N4BP2: variants seen among roughly 807,000 people sequenced by gnomAD.
N4BP2 encodes the protein NEDD4-binding protein 2.
In N4BP2, 91 loss-of-function variants were observed where a neutral mutation model predicts 152.8. The ratio of observed to expected loss-of-function variants is 0.60; its 90% confidence interval spans 0.50 to 0.71. The LOEUF is 0.71. Among genes scored for constraint, N4BP2 ranks in the 30% least tolerant of loss-of-function variants. The pLI is 0.00. For missense variants in N4BP2, 1,923 were observed against 2,059.1 expected (o/e 0.93, Z 1.28); for synonymous variants, 646 against 705.3 (o/e 0.92, Z 1.33).
At chr4:40,063,988 G>T (rs921890283) in intron 1 of N4BP2, among the ~76,000 whole-genome samples, 3 of 151,638 alleles carry the variant, frequency 2.0e-5, no homozygotes, top group African/African-American at 7.3e-5. Flanking sequence ...CGGCAGGGGG[G>T]GGTCTCACTA....
At chr4:40,189,051 C>T in the N4BP2 span, among the ~76,000 whole-genome samples, 1 of 152,018 alleles carries the variant, frequency 6.6e-6, no homozygotes, top group Non-Finnish European at 1.5e-5. The surrounding 1 kb of genome is among the most constrained non-coding windows in gnomAD (Gnocchi z 4.3). Flanking sequence ...GAGGCTGAGG[C>T]AAGAGAATCG....
chr4:40,169,589 A>C, the N4BP2 span, among the ~76,000 whole-genome samples: 1 of 151,726 alleles, frequency 6.6e-6, no homozygotes, highest in East Asian at 1.9e-4. Context: ...ACTCGACATA[A>C]CCAAACCTAC....
chr4:40,064,042 C>T (rs545557890), intron 1 of N4BP2, among the ~76,000 whole-genome samples: 1 of 152,142 alleles, frequency 6.6e-6, no homozygotes, highest in African/African-American at 2.4e-5. Flanking sequence ...AAGTGATCCT[C>T]CTGCTTCAGC....
At chr4:40,182,938 A>G in the N4BP2 span, among the ~76,000 whole-genome samples, 1 of 152,122 alleles carries the variant, frequency 6.6e-6, no homozygotes, top group Admixed American at 6.5e-5. Flanking sequence ...CAGCCTCCCA[A>G]TGTGCTGGGA....
At position 40,112,103 on chromosome 4, in the gene N4BP2, G is replaced by A. The variant is rs1176208269; in HGVS notation, c.1518G>A (p.Lys506=). The change falls in exon 6 of 18, where the codon AAG becomes AAA. Residue 506 remains lysine (K), a synonymous_variant. Coordinates refer to ENST00000261435, the MANE Select transcript of N4BP2 (RefSeq NM_018177.6). ...TTTCAGCAAAAGAAGCATTTGAGAA[G>A]AAGATATCTCCTATAATTATAGATA... ...NQNRAKEAFE[K]KISPIIIDNT... 2 of 1,541,158 alleles carry A rather than the reference G, an allele frequency of 1.3e-6. No individual in the cohort carries two copies. Among genetic ancestry groups the A allele is most frequent in the Non-Finnish European group, 1.8e-6 (2 of 1,133,294 alleles).
rs200776584 is a variant in N4BP2, at chr4:40,097,471, A to C, written c.131A>C (p.Lys44Thr). The change falls in exon 3 of 18, where the codon AAA becomes ACA. Residue 44 changes from lysine (K) to threonine (T), a missense_variant. Transcript: ENST00000261435. Reference sequence around the variant, plus strand: ...ACTCTACCTTCCATGGGTGAGACAAAAGTTGATCAGGAAGAACTCTTCACC... The same window carrying C: ...ACTCTACCTTCCATGGGTGAGACAACAGTTGATCAGGAAGAACTCTTCACC... ...TTTLPSMGET[K>T]VDQEELFTSI... is the part of the protein sequence containing the mutation. 100 of 1,613,910 alleles carry C rather than the reference A, an allele frequency of 6.2e-5. No individual in the cohort carries two copies. The highest frequency in any genetic ancestry group is 1.6e-4 in the Middle Eastern group (1 of 6,084).
At chr4:40,079,200 G>A (rs1713101342) in intron 2 of N4BP2, among the ~76,000 whole-genome samples, 1 of 152,130 alleles carries the variant, frequency 6.6e-6, no homozygotes, top group African/African-American at 2.4e-5. Context: ...GGGATTATAG[G>A]CATAAGCCAC....
the N4BP2 span, among the ~76,000 whole-genome samples, chr4:40,164,069 G>C: frequency 4.4e-3 from 671 of 152,300 alleles, 4 homozygotes; most frequent in African/African-American, 0.016. Flanking sequence ...ATAGGTATGG[G>C]AAGGGTTCAG....
chr4:40,109,391 C>T (rs1407672727), intron 5 of N4BP2, among the ~76,000 whole-genome samples: 1 of 152,012 alleles, frequency 6.6e-6, no homozygotes, highest in Non-Finnish European at 1.5e-5. Flanking sequence ...ACTTAACTCC[C>T]AGGATTGTTG....
chr4:40,160,360 G>T (rs1560659250), downstream of N4BP2, among the ~76,000 whole-genome samples: 1 of 152,206 alleles, frequency 6.6e-6, no homozygotes, highest in Non-Finnish European at 1.5e-5. Flanking sequence ...AATGCCGTAT[G>T]CGTTTAGTAG....
chr4:40,110,545 C>G (rs1716771971), intron 5 of N4BP2, among the ~76,000 whole-genome samples: 1 of 152,074 alleles, frequency 6.6e-6, no homozygotes, highest in African/African-American at 2.4e-5. Context: ...TATATCTTCT[C>G]TGGAGAAATG....
At chr4:40,078,075 A>C (rs1179427457) in intron 2 of N4BP2, 1 of 150,478 alleles carries the variant, frequency 6.6e-6, no homozygotes, top group Non-Finnish European at 1.5e-5. Flanking sequence ...TACCTTTTTG[A>C]ATTGGATTTT....
chr4:40,107,134 G>C (rs9995001), intron 5 of N4BP2, 110 bp downstream of exon 5: 6 of 1,078,762 alleles, frequency 5.6e-6, no homozygotes, highest in Non-Finnish European at 8.2e-6. Context: ...GGGTCTCGCT[G>C]TGTTGCACAG....
chr4:40,176,504 A>C, the N4BP2 span, among the ~76,000 whole-genome samples: 5 of 152,310 alleles, frequency 3.3e-5, no homozygotes. Context: ...TAGTTTTGAC[A>C]AAAGTACTCC....
Position 40,102,604 on chromosome 4 carries a change from T to C in N4BP2, c.759T>C (p.Ser253=). The change falls in exon 4 of 18, where the codon AGT becomes AGC. Residue 253 remains serine (S), a synonymous_variant. Transcript: ENST00000261435. ...SLLSSSLNVA[S]DSIAGCSSLN... ...TCAGTAGTTCTTTAAATGTAGCAAG[T>C]GACTCCATCGCAGGTTGTAGCAGTC... The C allele has an allele frequency of 6.2e-7, 1 of 1,614,210 alleles. No homozygotes were observed. The highest frequency in any genetic ancestry group is 1.3e-5 in the African/African-American group (1 of 75,050).
At position 40,122,297 on chromosome 4, in the gene N4BP2, G is replaced by T; in HGVS notation, c.4186G>T (p.Gly1396Cys). The T allele has an allele frequency of 1.3e-6, 2 of 1,569,440 alleles. No homozygotes were observed. The highest frequency in any genetic ancestry group is 1.7e-6 in the Non-Finnish European group (2 of 1,153,670). Reference sequence around the variant, plus strand: ...ACTTAATGAATTATTTGGTCCTGTTGGTATTGATTCAGGTAAGGAAAAAGT... The same window carrying T: ...ACTTAATGAATTATTTGGTCCTGTTTGTATTGATTCAGGTAAGGAAAAAGT... ...FQLNELFGPV[G>C]IDSGSLTVED... The change falls in exon 9 of 18, where the codon GGT becomes TGT. Residue 1396 changes from glycine to cysteine, a missense_variant. Gly to Cys is a radical substitution (Grantham distance 159, BLOSUM62 -3). Transcript: ENST00000261435.
chr4:40,152,339 G>A (rs374281963), intron 16 of N4BP2, among the ~76,000 whole-genome samples: 7 of 152,154 alleles, frequency 4.6e-5, no homozygotes, highest in East Asian at 3.8e-4. Flanking sequence ...TCAGAACAAA[G>A]CTTGATGGCT....
intron 1 of N4BP2, among the ~76,000 whole-genome samples, chr4:40,062,138 G>A (rs1354697794): frequency 2.0e-5 from 3 of 148,364 alleles, no homozygotes; most frequent in African/African-American, 7.5e-5. Flanking sequence ...GAGTGCAGTG[G>A]TGCGATCTTG....
At chr4:40,093,878 G>A (rs1410952433) in intron 2 of N4BP2, among the ~76,000 whole-genome samples, 1 of 152,084 alleles carries the variant, frequency 6.6e-6, no homozygotes, top group Non-Finnish European at 1.5e-5. Flanking sequence ...GCAATTACAG[G>A]TGTGAGCCAC....
Sources: gnomAD v4.1 joint callset for allele counts (sites outside exome capture counted in the v4.1 genomes callset) on GRCh38, gnomAD v4.1.1 for gene constraint, Gnocchi (gnomAD v3.1) non-coding constraint, MANE v1.5 for transcripts, NCBI Gene and HGNC (gene_info 2026-07-23, HGNC 2026-07-21) for gene names.